Variants in AMPD1 observed in about 807,000 individuals in gnomAD.
AMPD1 encodes the protein AMP deaminase 1.
A neutral mutation model predicts 82.9 loss-of-function variants in AMPD1; 74 were observed. The ratio of observed to expected loss-of-function variants is 0.89; its 90% CI spans 0.74 to 1.08. The LOEUF (loss-of-function observed/expected upper bound fraction) is 1.08, where lower values mean the gene tolerates loss of function less well. Ranked by LOEUF, AMPD1 falls within the 50% of genes least tolerant of loss-of-function variation. The pLI, the probability that AMPD1 is intolerant of heterozygous loss-of-function variation, is 0.00. For missense variants in AMPD1, 881 were observed against 924.5 expected (o/e 0.95, Z 0.61); for synonymous variants, 333 against 320.5 (o/e 1.04, Z -0.42).
At chr1:114,692,861 G>T (rs981682857) in intron 2 of AMPD1, among the ~76,000 whole-genome samples, 1 of 150,588 alleles carries the variant, frequency 6.6e-6, no homozygotes, top group Non-Finnish European at 1.5e-5. Flanking sequence ...GGCTGGGTGT[G>T]GTGGCCCACA....
intron 3 of AMPD1, 147 bp from the exon 4 acceptor site, chr1:114,687,057 A>G: frequency 2.4e-6 from 2 of 823,066 alleles, no homozygotes; most frequent in South Asian, 2.9e-5. Context: ...GGATCCAAGC[A>G]TAGTGGGAGG....
chr1:114,678,567 C>A lies in AMPD1; in HGVS notation c.898-40G>T, dbSNP rs370534764. 6.4e-6 allele frequency: 10 copies of A among 1,558,874 alleles called. No individual in the cohort carries two copies. In the South Asian group the frequency reaches 1.1e-4, roughly 17 times the overall value. Reference sequence around the variant, plus strand: ...AAAGAAAGAAAAAAACATCAATCAGCCTTAGTTATGCTACTCTGTTTAGAG... The same window carrying A: ...AAAGAAAGAAAAAAACATCAATCAGACTTAGTTATGCTACTCTGTTTAGAG... On this transcript the variant is annotated intron_variant, in intron 7 of 15. Coordinates refer to ENST00000520113, the MANE Select transcript of AMPD1 (RefSeq NM_000036.3).
intron 4 of AMPD1, among the ~76,000 whole-genome samples, chr1:114,686,194 C>G (rs1050408566): frequency 1.3e-5 from 2 of 152,066 alleles, no homozygotes; most frequent in African/African-American, 4.8e-5. Context: ...TTCAGGTCGT[C>G]AAAAAAACAA....
intron 1 of AMPD1, 41 bp downstream of exon 1, chr1:114,695,409 A>C (rs75441249): frequency 2.5e-6 from 4 of 1,594,734 alleles, no homozygotes; most frequent in Non-Finnish European, 3.4e-6. Context: ...AAAAAAAAAA[A>C]ACAACAACAA....
chr1:114,677,368 G>A lies in AMPD1; in HGVS notation c.1371C>T (p.Ile457=). 1.2e-6 allele frequency: 2 copies of A among 1,610,290 alleles called. No individual in the cohort carries two copies. The highest frequency in any genetic ancestry group is 1.7e-6 in the Non-Finnish European group (2 of 1,179,260). Residue 457 remains isoleucine, a synonymous_variant, in exon 10 of 16, where the codon ATC becomes ATT. Transcript: ENST00000520113. ...GTACATACTAGATCCTGGGAACCTG[G>A]ATCATCCATGTCATGTTGGGGCAGT... The part of the protein sequence containing the change: ...RIHCPNMTWM[I]QVPRIYDVFR...
At chr1:114,674,955 T>G in intron 12 of AMPD1, 83 bp from the exon 13 acceptor site, 1 of 1,559,930 alleles carries the variant, frequency 6.4e-7, no homozygotes, top group Non-Finnish European at 8.8e-7. Flanking sequence ...AAGTGAACAC[T>G]CTGGAAGGAA....
In AMPD1 at chr1:114,673,635, C is replaced by T; in HGVS notation, c.2085+4G>A. On this transcript the variant is annotated splice_donor_region_variant and intron_variant, in intron 15 of 15. Coordinates refer to ENST00000520113, the MANE Select transcript of AMPD1 (RefSeq NM_000036.3). ...GAAGGGAAGCCATTTGAAGACAGGT[C>T]TACCTCATGAGAAATTCCACACTGC... 2 of 1,609,896 alleles carry T rather than the reference C, an allele frequency of 1.2e-6. No individual in the cohort carries two copies. Among genetic ancestry groups the T allele is most frequent in the Non-Finnish European group, 1.7e-6 (2 of 1,176,230 alleles).
chr1:114,677,799 C>CTCCT lies in AMPD1; in HGVS notation c.1224+107_1224+110dup, dbSNP rs61401956. 0.057 allele frequency: 29,786 copies of CTCCT among 526,774 alleles called. 734 individuals carry two copies. The highest frequency in any genetic ancestry group is 0.092 in the African/African-American group (3,623 of 39,170). 32.6% of individuals were successfully genotyped at this position (526,774 alleles called of 1,614,324 possible). A position where few individuals can be genotyped will look rare whatever the true frequency, so the allele number is the denominator to read the frequency against. On this transcript the variant is annotated intron_variant, in intron 9 of 15. Coordinates refer to ENST00000520113, the MANE Select transcript of AMPD1 (RefSeq NM_000036.3). ...CTTCCTTCCTTCTTTCCCTCTCTCC[C>CTCCT]TCCTTCCTTCCTTCCTTCCTTCCTT... is the stretch of plus-strand genomic sequence containing the variant.
Position 114,679,560 on chromosome 1 carries a change from G to T in AMPD1, c.897+19C>A. The T allele has an allele frequency of 6.2e-7, 1 of 1,613,582 alleles. No homozygotes were observed. Among genetic ancestry groups the T allele is most frequent in the South Asian group, 1.1e-5 (1 of 91,036 alleles). On this transcript the variant is annotated intron_variant, in intron 7 of 15. Coordinates refer to ENST00000520113, the MANE Select transcript of AMPD1 (RefSeq NM_000036.3). ...TTGTTTTTGCCCAGGAATTACCCCT[G>T]AGCAACTAAAATGTTTACCTTCCTG...
chr1:114,674,051 G>T lies in AMPD1; in HGVS notation c.1832C>A (p.Ala611Asp), dbSNP rs767670102. 2 of 1,613,920 alleles carry T rather than the reference G, an allele frequency of 1.2e-6. No individual in the cohort carries two copies. Among genetic ancestry groups the T allele is most frequent in the Non-Finnish European group, 8.5e-7 (1 of 1,179,896 alleles). The change falls in exon 14 of 16, where the codon GCC (alanine) becomes GAC (aspartate). Residue 611 changes from alanine to aspartate, a missense_variant. Around this residue, in one of 2 missense-constraint regions of AMPD1, gnomAD observed 783 missense variants for 786.4 expected, o/e 1.00. Coordinates refer to ENST00000520113, the MANE Select transcript of AMPD1 (RefSeq NM_000036.3). ...SPVLQYLFFL[A>D]QIPIAMSPLS... ...TGGTGACATGGCGATGGGAATTTGG[G>T]CTAAGAAAAACAAGTACTGTAGCAC... is the stretch of plus-strand genomic sequence containing the variant.
chr1:114,692,837 C>G (rs373706509), intron 2 of AMPD1, among the ~76,000 whole-genome samples: 2 of 142,152 alleles, frequency 1.4e-5, no homozygotes, highest in African/African-American at 5.2e-5. Context: ...TCATTTATTT[C>G]AAAATATTAA....
intron 11 of AMPD1, 74 bp from the exon 12 acceptor site, chr1:114,675,767 T>C: frequency 6.2e-7 from 1 of 1,613,316 alleles, no homozygotes; most frequent in Non-Finnish European, 8.5e-7. Context: ...AACTTTCAGG[T>C]CCAAAGGCAC....
At chr1:114,681,593 CA>C (rs59385008) in intron 5 of AMPD1, among the ~76,000 whole-genome samples, 83,400 of 103,766 alleles carry the variant, frequency 0.8, 32,530 homozygotes, top group South Asian at 0.86. Context: ...GACTCCATCT[CA>C]AAAAAAAAAA....
chr1:114,688,773 G>C (rs745456640), intron 2 of AMPD1, 32 bp from the exon 3 acceptor site: 38 of 1,612,842 alleles, frequency 2.4e-5, no homozygotes, highest in Non-Finnish European at 3.0e-5. Flanking sequence ...TAGTGTTCAA[G>C]CCCCTTTTCA....
chr1:114,680,521 G>A lies in AMPD1; in HGVS notation c.548-43C>T, dbSNP rs1483526239. The A allele has an allele frequency of 1.9e-6, 3 of 1,554,274 alleles. No individual in the cohort carries two copies. In the African/African-American group the frequency reaches 4.1e-5, roughly 21 times the overall value. On this transcript the variant is annotated intron_variant, in intron 5 of 15. Coordinates refer to ENST00000520113, the MANE Select transcript of AMPD1 (RefSeq NM_000036.3). Reference sequence around the variant, plus strand: ...AGAGTAATATATTAGCACATAGGATGAACGACCACATAAAAATAACCAAAA... The same window carrying A: ...AGAGTAATATATTAGCACATAGGATAAACGACCACATAAAAATAACCAAAA...
At chr1:114,688,952 C>T (rs1392521723) in intron 2 of AMPD1, 1 of 750,560 alleles carries the variant, frequency 1.3e-6, no homozygotes, top group Non-Finnish European at 2.4e-6. Context: ...AAACATGGGT[C>T]AGATTCTCAT....
Position 114,688,559 on chromosome 1 carries a change from A to G in AMPD1, c.215+2T>C. 6.2e-7 allele frequency: 1 copy of G among 1,613,772 alleles called. No individual in the cohort carries two copies. Among genetic ancestry groups the G allele is most frequent in the Non-Finnish European group, 8.5e-7 (1 of 1,179,954 alleles). ...ACTAAGCACTCCCCTTACACCACTTACCTCCTGGCTTCTGTGGAGGTGGAC... is the reference window on the plus strand; with the variant it reads ...ACTAAGCACTCCCCTTACACCACTTGCCTCCTGGCTTCTGTGGAGGTGGAC... On this transcript the variant is annotated splice_donor_variant, in intron 3 of 15. Coordinates refer to ENST00000520113, the MANE Select transcript of AMPD1 (RefSeq NM_000036.3). LOFTEE classifies it high-confidence loss of function.
chr1:114,679,591 A>G lies in AMPD1; in HGVS notation c.885T>C (p.Tyr295=). ...ELKNNPHRDF[Y]NCRKVDTHIH... is the part of the protein sequence containing the mutation. ...CTAAAATGTTTACCTTCCTGCAGTT[A>G]TAAAAATCTCGGTGGGGGTTGTTTT... Residue 295 remains tyrosine, a synonymous_variant, in exon 7 of 16, where the codon TAT becomes TAC. Coordinates refer to ENST00000520113, the MANE Select transcript of AMPD1 (RefSeq NM_000036.3). 6.2e-7 allele frequency: 1 copy of G among 1,614,082 alleles called. No homozygotes were observed.
chr1:114,674,242 A>G (rs1395618307), intron 13 of AMPD1, among the ~76,000 whole-genome samples, 160 bp from the exon 14 acceptor site: 3 of 152,212 alleles, frequency 2.0e-5, no homozygotes, highest in Admixed American at 6.5e-5. Context: ...TTTTCAATGT[A>G]AATGCTATTT....
Sources: allele counts gnomAD v4.1 joint callset (sites outside exome capture counted in the v4.1 genomes callset), GRCh38; gene constraint gnomAD v4.1.1; regional missense constraint gnomAD v4.1.1; transcripts MANE v1.5; gene names NCBI Gene and HGNC (gene_info 2026-07-23, HGNC 2026-07-21).